GALNT2: variants seen among roughly 807,000 people sequenced by gnomAD.
The protein encoded by GALNT2 is polypeptide N-acetylgalactosaminyltransferase 2.
In GALNT2, 31 loss-of-function variants were observed where a neutral mutation model predicts 81.4. That is an observed-to-expected ratio of 0.38 (90% CI 0.29 to 0.51). GALNT2 has a LOEUF of 0.51. Among genes scored for constraint, GALNT2 ranks in the 20% least tolerant of loss-of-function variants. The probability of loss-of-function intolerance (pLI) is 0.87; values close to 1 mark genes in which losing one functional copy is unlikely to be tolerated. For synonymous variants in GALNT2, 303 were observed against 287.4 expected (o/e 1.05, Z -0.55); for missense variants, 629 against 765.7 (o/e 0.82, Z 2.11).
upstream of GALNT2, among the ~76,000 whole-genome samples, chr1:230,063,259 C>T (rs922819619): frequency 1.1e-4 from 17 of 150,038 alleles, no homozygotes; most frequent in African/African-American, 3.9e-4. Context: ...TGCAGTGAGC[C>T]GAGATTGTGC....
At chr1:230,076,283 A>G (rs1460615568) in intron 1 of GALNT2, among the ~76,000 whole-genome samples, 1 of 152,236 alleles carries the variant, frequency 6.6e-6, no homozygotes, top group Non-Finnish European at 1.5e-5. Flanking sequence ...AGCACCAAGC[A>G]TCGGGTAAGT....
chr1:230,225,497 G>A (rs897257941), intron 3 of GALNT2, among the ~76,000 whole-genome samples: 1 of 152,128 alleles, frequency 6.6e-6, no homozygotes, highest in Non-Finnish European at 1.5e-5. Flanking sequence ...TTTCAGCCTG[G>A]TCATGTTGGG....
At chr1:230,218,283 T>C (rs1164108612) in intron 3 of GALNT2, among the ~76,000 whole-genome samples, 1 of 152,180 alleles carries the variant, frequency 6.6e-6, no homozygotes, top group African/African-American at 2.4e-5. Context: ...ACCAAGCAAC[T>C]TGAAGAATGG....
intron 3 of GALNT2, among the ~76,000 whole-genome samples, chr1:230,210,113 C>T (rs76494458): frequency 0.044 from 6,739 of 152,224 alleles, 194 homozygotes; most frequent in Non-Finnish European, 0.064. Context: ...GGAGCGTTTC[C>T]GGGATCCAAA....
intron 2 of GALNT2, among the ~76,000 whole-genome samples, chr1:230,197,633 A>C (rs754018993): frequency 3.3e-5 from 5 of 152,182 alleles, no homozygotes; most frequent in Non-Finnish European, 4.4e-5. Context: ...TGCTGTGATC[A>C]TCTCATTTAG....
chr1:230,200,776 A>G (rs1022284865), intron 2 of GALNT2, among the ~76,000 whole-genome samples: 3 of 152,084 alleles, frequency 2.0e-5, no homozygotes, highest in African/African-American at 7.2e-5. Context: ...GCAGAGTTAC[A>G]TGGTAGGATG....
At chr1:230,207,776 T>C (rs1402100257) in intron 3 of GALNT2, among the ~76,000 whole-genome samples, 1 of 152,124 alleles carries the variant, frequency 6.6e-6, no homozygotes, top group Non-Finnish European at 1.5e-5. Context: ...AGATGGGGTC[T>C]TACTGTGTTG....
chr1:230,230,945 C>A (rs778791479), intron 3 of GALNT2, among the ~76,000 whole-genome samples: 2 of 152,138 alleles, frequency 1.3e-5, no homozygotes, highest in African/African-American at 2.4e-5. Context: ...TGTAGAGGTT[C>A]TTGAACTCTC....
chr1:230,261,505 C>T (rs1665876502), intron 11 of GALNT2, among the ~76,000 whole-genome samples: 1 of 152,154 alleles, frequency 6.6e-6, no homozygotes, highest in African/African-American at 2.4e-5. Flanking sequence ...ACCTTATAGC[C>T]GAGACCAGAA....
intron 1 of GALNT2, among the ~76,000 whole-genome samples, chr1:230,142,211 G>A (rs184176388): frequency 1.3e-3 from 204 of 152,260 alleles, no homozygotes; most frequent in Admixed American, 4.6e-3. Flanking sequence ...CAGGAAGCAT[G>A]AGGGATGGCA....
chr1:230,204,567 C>T (rs990456636), intron 3 of GALNT2, among the ~76,000 whole-genome samples: 8 of 152,148 alleles, frequency 5.3e-5, no homozygotes, highest in Admixed American at 3.9e-4. Context: ...GTATTTGTCA[C>T]CACTTATCAG....
chr1:230,275,451 C>T lies in GALNT2; in HGVS notation c.1560+887C>T, dbSNP rs768927638. On this transcript the variant is annotated intron_variant, in intron 15 of 15. Transcript: ENST00000366672. The surrounding 1 kb of genome is among the most constrained non-coding windows in gnomAD (Gnocchi z 5.5). ...ACACACCACATATATATACACGCCA[C>T]ATATATACATATATACAAACACCAC... Among the ~76,000 whole-genome samples, 2 of 150,910 alleles carry T rather than the reference C, an allele frequency of 1.3e-5. No homozygotes were observed. The highest frequency in any genetic ancestry group is 3.0e-5 in the Non-Finnish European group (2 of 67,720).
At chr1:230,144,579 C>A (rs1222339178) in intron 1 of GALNT2, among the ~76,000 whole-genome samples, 1 of 152,142 alleles carries the variant, frequency 6.6e-6, no homozygotes, top group Non-Finnish European at 1.5e-5. Context: ...ACGCTGTATA[C>A]TCTTAGGTAC....
At chr1:230,212,168 C>T (rs1000411674) in intron 3 of GALNT2, among the ~76,000 whole-genome samples, 1 of 152,134 alleles carries the variant, frequency 6.6e-6, no homozygotes, top group African/African-American at 2.4e-5. Flanking sequence ...TAACAGGGCT[C>T]ACTGGTGGAG....
At chr1:230,094,389 C>T (rs563687876) in intron 1 of GALNT2, among the ~76,000 whole-genome samples, 4 of 151,820 alleles carry the variant, frequency 2.6e-5, no homozygotes, top group African/African-American at 9.7e-5. Flanking sequence ...TTTGGGAGGT[C>T]GAGGCGGGTG....
intron 3 of GALNT2, among the ~76,000 whole-genome samples, chr1:230,224,033 C>T (rs1664634125): frequency 6.6e-6 from 1 of 152,178 alleles, no homozygotes; most frequent in African/African-American, 2.4e-5. Context: ...CACTTTGAGA[C>T]AGGCAGAGCA....
At chr1:230,222,935 C>T (rs1244282537) in intron 3 of GALNT2, among the ~76,000 whole-genome samples, 5 of 152,200 alleles carry the variant, frequency 3.3e-5, no homozygotes, top group Non-Finnish European at 7.4e-5. Context: ...CTTTACTTCT[C>T]ATTTCTATGA....
chr1:230,210,598 C>G (rs1218010118), intron 3 of GALNT2, among the ~76,000 whole-genome samples: 2 of 152,130 alleles, frequency 1.3e-5, no homozygotes, highest in Non-Finnish European at 2.9e-5. Context: ...ATCTTTAAGT[C>G]AAGAATATGT....
At chr1:230,107,238 C>T (rs1660569657) in intron 1 of GALNT2, among the ~76,000 whole-genome samples, 2 of 152,200 alleles carry the variant, frequency 1.3e-5, no homozygotes, top group Non-Finnish European at 2.9e-5. Flanking sequence ...GGAGAATCAG[C>T]CACTTACACA....
Sources: gnomAD v4.1 joint callset for allele counts (sites outside exome capture counted in the v4.1 genomes callset) on GRCh38, gnomAD v4.1.1 for gene constraint, Gnocchi (gnomAD v3.1) non-coding constraint, MANE v1.5 for transcripts, NCBI Gene and HGNC (gene_info 2026-07-23, HGNC 2026-07-21) for gene names.